The following NOL4L variants were observed in gnomAD, a reference collection of about 807,000 sequenced individuals.
NOL4L encodes nucleolar protein 4-like.
Under a neutral mutation model 64.5 loss-of-function variants are expected in NOL4L, and 7 were observed. That is an observed-to-expected ratio of 0.11 (90% CI 0.06 to 0.20). NOL4L has a LOEUF of 0.20. NOL4L is among the 10% of genes least tolerant of loss of function. The probability of loss-of-function intolerance (pLI) is 1.00; values close to 1 mark genes in which losing one functional copy is unlikely to be tolerated. For synonymous variants in NOL4L, 413 were observed against 401.0 expected (o/e 1.03, Z -0.36); for missense variants, 680 against 967.1 (o/e 0.70, Z 3.94).
intron 1 of NOL4L, among the ~76,000 whole-genome samples, chr20:32,550,298 G>A (rs1276117641): frequency 6.6e-6 from 1 of 152,210 alleles, no homozygotes; most frequent in East Asian, 1.9e-4. Context: ...CCAGGCTGGA[G>A]TGCAATGGTG....
intron 5 of NOL4L, among the ~76,000 whole-genome samples, chr20:32,456,894 G>A (rs2013591941): frequency 6.6e-6 from 1 of 152,220 alleles, no homozygotes; most frequent in Admixed American, 6.5e-5. Flanking sequence ...TTCCTCTGCC[G>A]GAAGCAGGAA....
intron 5 of NOL4L, among the ~76,000 whole-genome samples, chr20:32,469,068 T>C (rs2014804935): frequency 6.6e-6 from 1 of 152,062 alleles, no homozygotes; most frequent in African/African-American, 2.4e-5. Flanking sequence ...AACAGCGACA[T>C]GTATAGCTCT....
At chr20:32,504,709 A>T (rs559378208) in intron 4 of NOL4L, among the ~76,000 whole-genome samples, 2 of 151,452 alleles carry the variant, frequency 1.3e-5, no homozygotes, top group African/African-American at 4.8e-5. Flanking sequence ...GGTTCAAGTG[A>T]TTCTCCTGCC....
chr20:32,452,582 C>A (rs1301780983), intron 9 of NOL4L, 145 bp from the exon 10 acceptor site: 13 of 856,620 alleles, frequency 1.5e-5, no homozygotes, highest in Non-Finnish European at 2.1e-5. Flanking sequence ...TCTGTCTGTC[C>A]CCTCCCCCAG....
intron 4 of NOL4L, among the ~76,000 whole-genome samples, chr20:32,489,750 C>T (rs1424129148): frequency 2.6e-5 from 4 of 151,438 alleles, no homozygotes; most frequent in African/African-American, 4.8e-5. Context: ...GCAGAGCTTG[C>T]GGTTAGCCGA....
intron 1 of NOL4L, among the ~76,000 whole-genome samples, chr20:32,528,236 C>T (rs1175711679): frequency 6.6e-6 from 1 of 152,226 alleles, no homozygotes; most frequent in Non-Finnish European, 1.5e-5. Flanking sequence ...ACACGCTGTG[C>T]CAAGACCATC....
intron 5 of NOL4L, among the ~76,000 whole-genome samples, chr20:32,466,514 GGC>G (rs933714636): frequency 8.5e-5 from 13 of 152,222 alleles, no homozygotes; most frequent in African/African-American, 3.1e-4. Context: ...CTGCCAGTGT[GGC>G]CCACAGCCAA....
At chr20:32,475,398 C>G in intron 4 of NOL4L, 7 of 958,778 alleles carry the variant, frequency 7.3e-6, no homozygotes, top group Non-Finnish European at 8.7e-6. Context: ...CGGACCAGAC[C>G]GCAAAGGGGG....
intron 10 of NOL4L, 101 bp from the exon 11 acceptor site, chr20:32,447,917 A>G (rs2012461897): frequency 7.1e-7 from 1 of 1,416,236 alleles, no homozygotes; most frequent in African/African-American, 1.6e-5. Context: ...CCTAGTGCCC[A>G]CTGTGAGTTG....
At chr20:32,523,722 CGCTGCCCTGG>C (rs777227329) in intron 2 of NOL4L, among the ~76,000 whole-genome samples, 8 of 152,224 alleles carry the variant, frequency 5.3e-5, no homozygotes, top group Non-Finnish European at 8.8e-5. Context: ...AACTGCCCTC[CGCTGCCCTGG>C]GCTGCCTGCT....
intron 1 of NOL4L, among the ~76,000 whole-genome samples, chr20:32,564,003 A>G (rs1415287732): frequency 6.6e-6 from 1 of 152,198 alleles, no homozygotes; most frequent in East Asian, 1.9e-4. Context: ...GGAGCAGGAA[A>G]GGTAATTGCT....
chr20:32,457,150 C>T (rs1004789376), intron 5 of NOL4L, among the ~76,000 whole-genome samples: 1 of 152,254 alleles, frequency 6.6e-6, no homozygotes, highest in Non-Finnish European at 1.5e-5. Flanking sequence ...GCAAAGAGCG[C>T]GGCACCGCCA....
Position 32,455,211 on chromosome 20 carries a change from CCA to C in NOL4L, c.1119+905_1119+906del, listed in dbSNP as rs549851096. On this transcript the variant is annotated intron_variant, in intron 6 of 10. Coordinates refer to ENST00000621426, the MANE Select transcript of NOL4L (RefSeq NM_001256798.2). ...CCTGGGCCCCCCATGTACCCTGTGGCCACAGTGGCAATGGCTGCTGAACACAA... is the reference window on the plus strand; with the variant it reads ...CCTGGGCCCCCCATGTACCCTGTGGCCAGTGGCAATGGCTGCTGAACACAA... Among the ~76,000 whole-genome samples the C allele has an allele frequency of 4.4e-3, 673 of 152,302 alleles. 9 individuals are homozygous for C. Among genetic ancestry groups the C allele is most frequent in the African/African-American group, 0.015 (616 of 41,558 alleles).
At chr20:32,485,093 A>AAAAAAAAAAAAAAAAAAG (rs2016028497) in intron 4 of NOL4L, among the ~76,000 whole-genome samples, 3 of 114,522 alleles carry the variant, frequency 2.6e-5, no homozygotes, top group South Asian at 3.0e-4. Flanking sequence ...AAAAACAACT[A>AAAAAAAAAAAAAAAAAAG]AAAAAAAACC....
intron 3 of NOL4L, among the ~76,000 whole-genome samples, chr20:32,519,203 A>G (rs529801618): frequency 2.0e-5 from 3 of 152,172 alleles, no homozygotes; most frequent in Non-Finnish European, 4.4e-5. Flanking sequence ...AAGTTGGCCC[A>G]TGTGCCCAAT....
intron 4 of NOL4L, among the ~76,000 whole-genome samples, chr20:32,475,767 C>T (rs781521938): frequency 6.6e-6 from 1 of 152,182 alleles, no homozygotes; most frequent in African/African-American, 2.4e-5. Context: ...CCCAAGCCTC[C>T]CCTCCGGGGC....
chr20:32,495,417 G>A (rs989043041), intron 4 of NOL4L, among the ~76,000 whole-genome samples: 4 of 152,202 alleles, frequency 2.6e-5, no homozygotes, highest in African/African-American at 9.7e-5. Flanking sequence ...GGCTGCCCGG[G>A]CCTATTCCTG....
At chr20:32,485,925 C>T (rs2016069957) in intron 4 of NOL4L, among the ~76,000 whole-genome samples, 1 of 152,224 alleles carries the variant, frequency 6.6e-6, no homozygotes, top group Admixed American at 6.5e-5. Context: ...TGGAATTGAA[C>T]CCAGATAACC....
In NOL4L at chr20:32,500,907, G is replaced by A. The variant is rs73906148; in HGVS notation, c.699+10440C>T. The stretch of plus-strand genomic sequence containing the variant: ...CATAAAATAAACAGCTATGAGTCTC[G>A]ACTTCTATAAATGGCTGAATAAATT... On this transcript the variant is annotated intron_variant, in intron 4 of 10. Coordinates refer to ENST00000621426, the MANE Select transcript of NOL4L (RefSeq NM_001256798.2). Among the ~76,000 whole-genome samples the A allele has an allele frequency of 1.8e-3, 281 of 152,246 alleles. 1 individual carries two copies. The highest frequency in any genetic ancestry group is 6.3e-3 in the African/African-American group (261 of 41,554).
Sources: gnomAD v4.1 joint callset for allele counts (sites outside exome capture counted in the v4.1 genomes callset) on GRCh38, gnomAD v4.1.1 for gene constraint, MANE v1.5 for transcripts, NCBI Gene and HGNC (gene_info 2026-07-23, HGNC 2026-07-21) for gene names.